DMXL2: variants seen among roughly 807,000 people sequenced by gnomAD.
DMXL2 encodes the protein dmX-like protein 2.
DMXL2 carries 103 observed loss-of-function variants against 331.1 expected under a neutral mutation model. The ratio of observed to expected loss-of-function variants is 0.31; its 90% CI spans 0.27 to 0.37. The LOEUF is 0.37. Ranked by LOEUF, DMXL2 falls within the 10% of genes least tolerant of loss-of-function variation. The pLI, the probability that DMXL2 is intolerant of heterozygous loss-of-function variation, is 1.00. For missense variants in DMXL2, 3,171 were observed against 3,642.9 expected, an observed-to-expected ratio of 0.87 and a Z score of 3.33; for synonymous variants, 1,281 against 1,252.1, an observed-to-expected ratio of 1.02 and a Z score of -0.49.
In DMXL2 at chr15:51,448,777, GT is replaced by G. The variant is rs1317924157; in HGVS notation, c.*206del. On this transcript the variant is annotated 3_prime_UTR_variant, in exon 44 of 44. Transcript: ENST00000560891. ...ATAGCTATCCTTCATACAATACTAG[GT>G]TTTATTTTTTTTAGTATGTCAGCAT... 2 of 592,830 alleles carry G rather than the reference GT, an allele frequency of 3.4e-6. No individual in the cohort carries two copies. The highest frequency in any genetic ancestry group is 5.6e-5 in the East Asian group (2 of 35,606). The allele number at this position is 592,830 out of a possible 1,614,324, so 36.7% of individuals were successfully genotyped here. A position where few individuals can be genotyped will look rare whatever the true frequency, so the allele number is the denominator to read the frequency against.
At chr15:51,619,905 T>C (rs948875736) in intron 1 of DMXL2, among the ~76,000 whole-genome samples, 1 of 152,144 alleles carries the variant, frequency 6.6e-6, no homozygotes, top group Non-Finnish European at 1.5e-5. Context: ...GCCCACACAA[T>C]GAGAAGTCAC....
intron 13 of DMXL2, among the ~76,000 whole-genome samples, chr15:51,526,983 T>A (rs553048843): frequency 6.6e-6 from 1 of 152,140 alleles, no homozygotes; most frequent in African/African-American, 2.4e-5. Flanking sequence ...TTCAAAGGGA[T>A]AGTAACAGGG....
chr15:51,512,851 A>T (rs2046838290), intron 15 of DMXL2, among the ~76,000 whole-genome samples: 1 of 152,086 alleles, frequency 6.6e-6, no homozygotes, highest in Non-Finnish European at 1.5e-5. Flanking sequence ...GAAAAGGAAA[A>T]GAAAAATTGT....
chr15:51,451,254 C>T (rs1384033717), intron 42 of DMXL2, among the ~76,000 whole-genome samples: 2 of 152,102 alleles, frequency 1.3e-5, no homozygotes, highest in South Asian at 2.1e-4. Context: ...ACAGCATGAC[C>T]TTGATCTCCA....
chr15:51,593,022 C>G (rs1201224562), intron 1 of DMXL2, among the ~76,000 whole-genome samples: 1 of 152,156 alleles, frequency 6.6e-6, no homozygotes, highest in Non-Finnish European at 1.5e-5. Context: ...AGCAAAATAA[C>G]CAGCTAACAT....
Position 51,498,983 on chromosome 15 carries a change from T to C in DMXL2, c.4241A>G (p.Lys1414Arg). 1.2e-6 allele frequency: 2 copies of C among 1,614,070 alleles called. No homozygotes were observed. Among genetic ancestry groups the C allele is most frequent in the African/African-American group, 2.7e-5 (2 of 75,062 alleles). Residue 1414 changes from lysine (K) to arginine (R), a missense_variant, in exon 18 of 44, where the codon AAA (lysine) becomes AGA (arginine). Physicochemically the swap from Lys to Arg is conservative, Grantham distance 26. This residue lies in a region of DMXL2 where 1,674 missense variants were observed against 1,780.2 expected (regional missense o/e 0.94). Coordinates refer to ENST00000560891, the MANE Select transcript of DMXL2 (RefSeq NM_001378457.1). ...STAKETVTVGKDGTRDYTEID... is the reference protein window; with the variant it reads ...STAKETVTVGRDGTRDYTEID... ...CTCAGTATAATCTCGAGTACCATCT[T>C]TTCCTACGGTGACTGTTTCCTTTGC... is the stretch of plus-strand genomic sequence containing the variant.
chr15:51,473,956 T>TA (rs2041348288), intron 28 of DMXL2, among the ~76,000 whole-genome samples: 1 of 152,130 alleles, frequency 6.6e-6, no homozygotes, highest in Non-Finnish European at 1.5e-5. Flanking sequence ...TTTGAACACT[T>TA]ACTTAAATTT....
intron 43 of DMXL2, 92 bp downstream of exon 43, chr15:51,450,037 A>T: frequency 8.3e-7 from 1 of 1,206,172 alleles, no homozygotes; most frequent in Non-Finnish European, 1.2e-6. Flanking sequence ...CAAGTGAAAT[A>T]AAGTGAAGCT....
intron 1 of DMXL2, among the ~76,000 whole-genome samples, chr15:51,595,262 TC>T (rs2052711839): frequency 6.6e-6 from 1 of 152,204 alleles, no homozygotes. Flanking sequence ...TCACAAGCAT[TC>T]TTATATACCA....
intron 1 of DMXL2, among the ~76,000 whole-genome samples, chr15:51,579,909 T>C (rs2051293262): frequency 6.6e-6 from 1 of 152,206 alleles, no homozygotes; most frequent in African/African-American, 2.4e-5. Context: ...TTCACAGGCC[T>C]GCTTTTGAAG....
chr15:51,556,615 A>C (rs1315509429), intron 6 of DMXL2, among the ~76,000 whole-genome samples: 1 of 151,916 alleles, frequency 6.6e-6, no homozygotes, highest in Non-Finnish European at 1.5e-5. Flanking sequence ...TCTACCAAAA[A>C]TACAAAAATT....
At chr15:51,564,435 T>C (rs2050148129) in intron 4 of DMXL2, among the ~76,000 whole-genome samples, 175 bp from the exon 5 acceptor site, 1 of 152,020 alleles carries the variant, frequency 6.6e-6, no homozygotes, top group Non-Finnish European at 1.5e-5. Flanking sequence ...AAAAAGAATC[T>C]TCTGGACAAC....
rs1012278575 is a variant in DMXL2, at chr15:51,518,052, G to T, written c.2437-885C>A. Among the ~76,000 whole-genome samples the T allele has an allele frequency of 5.9e-5, 9 of 152,252 alleles. No homozygotes were observed. The South Asian group carries it at 1.2e-3, about 21-fold the overall frequency. On this transcript the variant is annotated intron_variant, in intron 13 of 43. Transcript: ENST00000560891. The stretch of plus-strand genomic sequence containing the variant: ...GACATTTAGAAATGGTGTTAACAGG[G>T]CCAGGGTGGTGGCTCACACCTGTAA...
At chr15:51,515,370 G>C (rs1037829644) in intron 14 of DMXL2, among the ~76,000 whole-genome samples, 2 of 152,086 alleles carry the variant, frequency 1.3e-5, no homozygotes, top group Non-Finnish European at 2.9e-5. Flanking sequence ...TGGATGAGGA[G>C]TCTATAATCT....
intron 1 of DMXL2, among the ~76,000 whole-genome samples, chr15:51,603,018 T>A (rs1361231407): frequency 3.3e-5 from 5 of 152,190 alleles, no homozygotes; most frequent in Admixed American, 6.6e-5. Flanking sequence ...AGAAAAATGT[T>A]TAAAGAAGTG....
intron 37 of DMXL2, 192 bp downstream of exon 37, chr15:51,457,136 C>T (rs2039698740): frequency 3.4e-6 from 2 of 583,416 alleles, no homozygotes; most frequent in Non-Finnish European, 5.7e-6. Flanking sequence ...TGCACCACTG[C>T]ACTCCAGCCT....
At chr15:51,531,850 T>C (rs1178643090) in intron 13 of DMXL2, among the ~76,000 whole-genome samples, 3 of 152,110 alleles carry the variant, frequency 2.0e-5, no homozygotes, top group South Asian at 2.1e-4. Flanking sequence ...TAAAATGGCT[T>C]ATATCCAAAA....
At position 51,576,095 on chromosome 15, in the gene DMXL2, G is replaced by T; in HGVS notation, c.174C>A (p.Ile58=). 1.3e-6 allele frequency: 2 copies of T among 1,573,840 alleles called. No individual in the cohort carries two copies. Among genetic ancestry groups the T allele is most frequent in the Non-Finnish European group, 1.7e-6 (2 of 1,157,882 alleles). The change falls in exon 2 of 44, where the codon ATC becomes ATA. Residue 58 remains isoleucine, a synonymous_variant. Transcript: ENST00000560891. The part of the protein sequence containing the change: ...QIIPGAKHGN[I]QVSCVECSNQ... ...TAGAACACTCCACACAGCTGACTTG[G>T]ATGTTTCCATGCTTAGCACCAGGAA...
intron 2 of DMXL2, 105 bp from the exon 3 acceptor site, chr15:51,568,663 T>C (rs2050452956): frequency 1.4e-6 from 1 of 733,632 alleles, no homozygotes; most frequent in Non-Finnish European, 2.2e-6. Flanking sequence ...CTCAATACAG[T>C]ATTCATGGTT....
Sources: allele counts gnomAD v4.1 joint callset (sites outside exome capture counted in the v4.1 genomes callset), GRCh38; gene constraint gnomAD v4.1.1; regional missense constraint gnomAD v4.1.1; transcripts MANE v1.5; gene names NCBI Gene and HGNC (gene_info 2026-07-23, HGNC 2026-07-21).